KIAA1549L: variants seen among roughly 807,000 people sequenced by gnomAD.
The protein encoded by KIAA1549L is KIAA1549 like, also known as UPF0606 protein KIAA1549L.
A neutral mutation model predicts 160.7 loss-of-function variants in KIAA1549L; 88 were observed. The observed-to-expected ratio is 0.55, with a 90% CI of 0.46 to 0.65. KIAA1549L has a LOEUF of 0.65. Ranked by LOEUF, KIAA1549L falls within the 30% of genes least tolerant of loss-of-function variation. The pLI, the probability that KIAA1549L is intolerant of heterozygous loss-of-function variation, is 0.00. For synonymous variants in KIAA1549L, 950 were observed against 976.7 expected (o/e 0.97, Z 0.51); for missense variants, 2,258 against 2,437.5 (o/e 0.93, Z 1.55).
intron 1 of KIAA1549L, among the ~76,000 whole-genome samples, chr11:33,414,275 G>A (rs533889649): frequency 6.6e-6 from 1 of 152,168 alleles, no homozygotes; most frequent in Non-Finnish European, 1.5e-5. Context: ...GATCTAGCAC[G>A]AAGTATATAA....
At chr11:33,519,280 A>G (rs1047418517) in intron 1 of KIAA1549L, among the ~76,000 whole-genome samples, 4 of 152,276 alleles carry the variant, frequency 2.6e-5, no homozygotes, top group South Asian at 2.1e-4. Flanking sequence ...GAGAGAGTAG[A>G]TTTTAAGGAA....
At chr11:33,589,368 A>C (rs1004171327) in intron 11 of KIAA1549L, among the ~76,000 whole-genome samples, 19 of 152,296 alleles carry the variant, frequency 1.2e-4, no homozygotes, top group East Asian at 7.7e-4. Context: ...CCTCAGGGAT[A>C]TAGAACTAGA....
intron 1 of KIAA1549L, among the ~76,000 whole-genome samples, chr11:33,537,434 G>A (rs897805187): frequency 1.3e-5 from 2 of 152,170 alleles, no homozygotes; most frequent in African/African-American, 4.8e-5. Flanking sequence ...TTTGCAGATG[G>A]AAGGTAGAAA....
intron 17 of KIAA1549L, among the ~76,000 whole-genome samples, chr11:33,647,211 C>T (rs1195809292): frequency 2.0e-5 from 3 of 151,776 alleles, no homozygotes; most frequent in African/African-American, 7.3e-5. Context: ...GTGGTGAAAC[C>T]CCATCTAAAC....
At chr11:33,564,455 G>C (rs1400775637) in intron 8 of KIAA1549L, among the ~76,000 whole-genome samples, 1 of 152,180 alleles carries the variant, frequency 6.6e-6, no homozygotes, top group African/African-American at 2.4e-5. Context: ...TGCCTCAGAG[G>C]GTGGGTCCCT....
chr11:33,631,161 C>G (rs1346144414), intron 16 of KIAA1549L, among the ~76,000 whole-genome samples: 4 of 152,330 alleles, frequency 2.6e-5, no homozygotes, highest in East Asian at 1.9e-4. Context: ...AAAACACACA[C>G]TCTTGTTCAA....
At position 33,489,203 on chromosome 11, in the gene KIAA1549L, A is replaced by G. The variant is rs148045140; in HGVS notation, c.239-52599A>G. Among the ~76,000 whole-genome samples, 280 of 152,344 alleles carry G rather than the reference A, an allele frequency of 1.8e-3. 1 individual carries two copies. Among genetic ancestry groups the G allele is most frequent in the African/African-American group, 5.9e-3 (245 of 41,590 alleles). ...TTATTACTCACAGTTCTGGAGGCTG[A>G]AAGTCCAAGATCAGGGTGCCAGCAG... On this transcript the variant is annotated intron_variant, in intron 1 of 20. Transcript: ENST00000658780.
At chr11:33,435,339 G>C (rs931670893) in intron 1 of KIAA1549L, among the ~76,000 whole-genome samples, 2 of 152,156 alleles carry the variant, frequency 1.3e-5, no homozygotes, top group Admixed American at 1.3e-4. Context: ...GCATGGAATG[G>C]ACATTTGCTT....
rs1004935689 is a variant in KIAA1549L, at chr11:33,670,201, A to G, written c.*2047A>G. ...TCAATAATAATATTTCATTAGTGCA[A>G]TGATATCAACCAGTACTTTGTCTAC... is the stretch of plus-strand genomic sequence containing the variant. On this transcript the variant is annotated 3_prime_UTR_variant, in exon 21 of 21. Transcript: ENST00000658780. 11 of 152,270 alleles carry G rather than the reference A, an allele frequency of 7.2e-5. No individual in the cohort carries two copies. Among genetic ancestry groups the G allele is most frequent in the Admixed American group, 5.2e-4 (8 of 15,290 alleles). The allele number at this position is 152,270 out of a possible 1,614,324, so 9.4% of individuals were successfully genotyped here.
chr11:33,491,477 A>G (rs530781364), intron 1 of KIAA1549L, among the ~76,000 whole-genome samples: 3 of 152,206 alleles, frequency 2.0e-5, no homozygotes, highest in Non-Finnish European at 4.4e-5. Flanking sequence ...GGCTATGGGA[A>G]GAAGGACCTT....
chr11:33,468,201 CAAAGGGAACTGCTG>C (rs1852101522), intron 1 of KIAA1549L, among the ~76,000 whole-genome samples: 1 of 152,260 alleles, frequency 6.6e-6, no homozygotes, highest in South Asian at 2.1e-4. Context: ...CTCGGCTCTT[CAAAGGGAACTGCTG>C]ATTTTAGCAT....
chr11:33,570,605 A>T (rs1185715355), intron 9 of KIAA1549L, among the ~76,000 whole-genome samples: 1 of 152,122 alleles, frequency 6.6e-6, no homozygotes, highest in African/African-American at 2.4e-5. Flanking sequence ...AATTCACTCT[A>T]CGTGGGTTAC....
At chr11:33,412,463 G>T (rs1850803994) in intron 1 of KIAA1549L, among the ~76,000 whole-genome samples, 2 of 152,184 alleles carry the variant, frequency 1.3e-5, no homozygotes, top group African/African-American at 4.8e-5. Flanking sequence ...TTACAGACTT[G>T]CTATAAATAA....
In KIAA1549L at chr11:33,441,213, T is replaced by C. The variant is rs551550636; in HGVS notation, c.238+64324T>C. ...GCGATAGTTTGCTGAGAATGATGGT[T>C]TCCAGCTTCATCCATGTCCCTACAA... On this transcript the variant is annotated intron_variant, in intron 1 of 20. Transcript: ENST00000658780. Among the ~76,000 whole-genome samples, 265 of 152,176 alleles carry C rather than the reference T, an allele frequency of 1.7e-3. 3 individuals carry two copies. The highest frequency in any genetic ancestry group is 2.9e-3 in the Non-Finnish European group (199 of 68,004).
At chr11:33,397,530 G>A (rs1850402989) in intron 1 of KIAA1549L, among the ~76,000 whole-genome samples, 1 of 150,170 alleles carries the variant, frequency 6.7e-6, no homozygotes, top group Non-Finnish European at 1.5e-5. Flanking sequence ...CCAATATGGT[G>A]AAACCCCGTC....
At chr11:33,510,555 A>G (rs1470645432) in intron 1 of KIAA1549L, among the ~76,000 whole-genome samples, 3 of 152,222 alleles carry the variant, frequency 2.0e-5, no homozygotes, top group Non-Finnish European at 1.5e-5. Context: ...GAGGACACTA[A>G]TGTTGAACTC....
At chr11:33,560,499 G>T (rs1854817376) in intron 7 of KIAA1549L, among the ~76,000 whole-genome samples, 1 of 152,180 alleles carries the variant, frequency 6.6e-6, no homozygotes, top group Non-Finnish European at 1.5e-5. Context: ...GCAGTCCATG[G>T]TGTGACTTCA....
chr11:33,494,619 A>AT (rs1404973127), intron 1 of KIAA1549L, among the ~76,000 whole-genome samples: 5 of 152,152 alleles, frequency 3.3e-5, no homozygotes, highest in African/African-American at 4.8e-5. Flanking sequence ...AGTGCCTTAG[A>AT]TTTTCCAGTT....
At chr11:33,578,954 T>C (rs1353119610) in intron 10 of KIAA1549L, among the ~76,000 whole-genome samples, 4 of 152,220 alleles carry the variant, frequency 2.6e-5, no homozygotes, top group Non-Finnish European at 5.9e-5. Context: ...TTCCTGGTTC[T>C]ATTCTTGTGA....
Sources: gnomAD v4.1 joint callset for allele counts (sites outside exome capture counted in the v4.1 genomes callset) on GRCh38, gnomAD v4.1.1 for gene constraint, MANE v1.5 for transcripts, NCBI Gene and HGNC (gene_info 2026-07-23, HGNC 2026-07-21) for gene names.